The following ST6GAL1 variants were observed in gnomAD, a reference collection of about 807,000 sequenced individuals.
ST6GAL1 encodes ST6 beta-galactoside alpha-2,6-sialyltransferase 1, also known as beta-galactoside alpha-2,6-sialyltransferase 1.
A neutral mutation model predicts 38.0 loss-of-function variants in ST6GAL1; 20 were observed. That is an observed-to-expected ratio of 0.53 (90% CI 0.37 to 0.77). The LOEUF is 0.77. Ranked by LOEUF, ST6GAL1 falls within the 30% of genes least tolerant of loss-of-function variation. ST6GAL1 has a pLI of 0.00. For missense variants in ST6GAL1, 432 were observed against 496.4 expected (o/e 0.87, Z 1.23); for synonymous variants, 196 against 188.2 (o/e 1.04, Z -0.34).
intron 2 of ST6GAL1, among the ~76,000 whole-genome samples, chr3:187,026,846 C>G (rs1048512081): frequency 6.6e-6 from 1 of 152,086 alleles, no homozygotes; most frequent in Non-Finnish European, 1.5e-5. Flanking sequence ...GAGATCGAGA[C>G]CATCCTGGCT....
chr3:186,956,017 AAC>A (rs1233708361), intron 1 of ST6GAL1, among the ~76,000 whole-genome samples: 9 of 152,102 alleles, frequency 5.9e-5, no homozygotes, highest in African/African-American at 2.2e-4. Flanking sequence ...TTTTCAGAGT[AAC>A]ACAGCTTGCT....
chr3:186,949,672 C>T lies in ST6GAL1; in HGVS notation c.-324-14113C>T, dbSNP rs541285702. Among the ~76,000 whole-genome samples, 14 of 152,266 alleles carry T rather than the reference C, an allele frequency of 9.2e-5. No individual in the cohort carries two copies. The South Asian group carries it at 1.5e-3, about 16-fold the overall frequency. On this transcript the variant is annotated intron_variant, in intron 1 of 7. Transcript: ENST00000169298. ...ACTCACTGCCTTCCCTGTTAACTAC[C>T]GTTTGCAATGTCACCTTCCTCAGAA...
Position 186,985,363 on chromosome 3 carries a change from T to A in ST6GAL1, c.-183+21437T>A, listed in dbSNP as rs143472402. Among the ~76,000 whole-genome samples, 18 of 152,292 alleles carry A rather than the reference T, an allele frequency of 1.2e-4. No homozygotes were observed. In the East Asian group the frequency reaches 3.5e-3, roughly 29 times the overall value. On this transcript the variant is annotated intron_variant, in intron 2 of 7. Coordinates refer to ENST00000169298, the MANE Select transcript of ST6GAL1 (RefSeq NM_173216.2). Reference sequence around the variant, plus strand: ...AGGGTGTTGATCTTCATCTGGGTTATTCACTGTAGTATCCTATGCACTAAG... The same window carrying A: ...AGGGTGTTGATCTTCATCTGGGTTAATCACTGTAGTATCCTATGCACTAAG...
At chr3:187,047,256 T>G (rs1579356389) in intron 4 of ST6GAL1, among the ~76,000 whole-genome samples, 1 of 147,476 alleles carries the variant, frequency 6.8e-6, no homozygotes, top group Non-Finnish European at 1.5e-5. Context: ...AGTCATAGTT[T>G]TTTTTTTTTT....
At chr3:187,032,514 G>C (rs3864110) in intron 2 of ST6GAL1, among the ~76,000 whole-genome samples, 12,281 of 152,160 alleles carry the variant, frequency 0.081, 583 homozygotes, top group African/African-American at 0.13. Context: ...CTTATTAAGT[G>C]CTAGACATTC....
chr3:187,011,843 A>C (rs186915174), intron 2 of ST6GAL1, among the ~76,000 whole-genome samples: 21 of 152,350 alleles, frequency 1.4e-4, no homozygotes, highest in African/African-American at 4.6e-4. Flanking sequence ...ATCTTAGGGA[A>C]CTAATTCAAA....
chr3:187,018,842 C>T (rs983766760), intron 2 of ST6GAL1, among the ~76,000 whole-genome samples: 3 of 152,192 alleles, frequency 2.0e-5, no homozygotes, highest in East Asian at 1.9e-4. Flanking sequence ...CACAAAGTTA[C>T]GATTATTGGA....
chr3:186,985,689 T>A (rs1715892328), intron 2 of ST6GAL1, among the ~76,000 whole-genome samples: 1 of 150,722 alleles, frequency 6.6e-6, no homozygotes, highest in Non-Finnish European at 1.5e-5. Context: ...GAGGGACGAT[T>A]GCTTGAGCCT....
intron 3 of ST6GAL1, among the ~76,000 whole-genome samples, chr3:187,040,046 G>A (rs1219198475): frequency 1.3e-5 from 2 of 152,242 alleles, no homozygotes; most frequent in African/African-American, 4.8e-5. Flanking sequence ...TCCTGTGACA[G>A]TGAATCAGGC....
At chr3:187,066,650 T>C (rs927597240) in intron 5 of ST6GAL1, among the ~76,000 whole-genome samples, 1 of 151,978 alleles carries the variant, frequency 6.6e-6, no homozygotes, top group African/African-American at 2.4e-5. Flanking sequence ...TTGCATTTTC[T>C]AACTGTCCCC....
intron 2 of ST6GAL1, among the ~76,000 whole-genome samples, chr3:186,991,145 CT>C (rs1295479909): frequency 6.6e-6 from 1 of 152,132 alleles, no homozygotes; most frequent in Non-Finnish European, 1.5e-5. Flanking sequence ...TTCTTTTGGA[CT>C]TGCTGTGATT....
At chr3:187,053,855 T>A (rs6802264) in intron 5 of ST6GAL1, among the ~76,000 whole-genome samples, 1,883 of 152,308 alleles carry the variant, frequency 0.012, 40 homozygotes, top group African/African-American at 0.043. Context: ...GGTAGCTTGA[T>A]GGGGATGGCA....
rs1579319043 is a variant in ST6GAL1, at chr3:187,010,347, G to A, written c.-182-28395G>A. ...GTCTATTAATTTGGTGGGGGAAAGT[G>A]TATGTTATTATTTTAATTGAATTTC... On this transcript the variant is annotated intron_variant, in intron 2 of 7. Coordinates refer to ENST00000169298, the MANE Select transcript of ST6GAL1 (RefSeq NM_173216.2). Among the ~76,000 whole-genome samples, 3 of 152,320 alleles carry A rather than the reference G, an allele frequency of 2.0e-5. No individual in the cohort carries two copies. The South Asian group carries it at 6.2e-4, about 32-fold the overall frequency.
At chr3:186,938,936 T>TCA (rs1302657688) in intron 1 of ST6GAL1, among the ~76,000 whole-genome samples, 1 of 152,146 alleles carries the variant, frequency 6.6e-6, no homozygotes, top group Non-Finnish European at 1.5e-5. Context: ...GCCTCTGCTG[T>TCA]CGCAGTCATG....
At chr3:187,014,061 G>A (rs1469680033) in intron 2 of ST6GAL1, among the ~76,000 whole-genome samples, 1 of 152,188 alleles carries the variant, frequency 6.6e-6, no homozygotes, top group African/African-American at 2.4e-5. Context: ...TTCCTGGCAG[G>A]TACAGGTTTG....
In ST6GAL1 at chr3:186,980,166, A is replaced by G. The variant is rs150030668; in HGVS notation, c.-183+16240A>G. On this transcript the variant is annotated intron_variant, in intron 2 of 7. Transcript: ENST00000169298. ...ATTGGTCTACAATTTGCCTGATCCT[A>G]AGAATCACCTGAGACTCTTGTTAAA... is the stretch of plus-strand genomic sequence containing the variant. 2.0e-3 allele frequency among the ~76,000 whole-genome samples: 312 copies of G among 152,286 alleles called. 2 individuals carry two copies. The highest frequency in any genetic ancestry group is 7.0e-3 in the African/African-American group (291 of 41,568).
intron 2 of ST6GAL1, among the ~76,000 whole-genome samples, chr3:187,036,662 A>C (rs1811267): frequency 0.04 from 6,123 of 152,292 alleles, 346 homozygotes; most frequent in African/African-American, 0.12. Context: ...CAGAAAACCA[A>C]ATGCCATATG....
chr3:186,992,446 A>G (rs1329075569), intron 2 of ST6GAL1, among the ~76,000 whole-genome samples: 1 of 152,150 alleles, frequency 6.6e-6, no homozygotes, highest in Non-Finnish European at 1.5e-5. Context: ...GTTCTCACAC[A>G]GAAGTGTGAG....
intron 5 of ST6GAL1, among the ~76,000 whole-genome samples, chr3:187,070,505 A>G (rs550895015): frequency 5.9e-4 from 67 of 113,372 alleles, no homozygotes; most frequent in African/African-American, 2.1e-3. Context: ...GCTCACGGCA[A>G]CCTCCGCCTC....
Sources: gnomAD v4.1 joint callset for allele counts (sites outside exome capture counted in the v4.1 genomes callset) on GRCh38, gnomAD v4.1.1 for gene constraint, MANE v1.5 for transcripts, NCBI Gene and HGNC (gene_info 2026-07-23, HGNC 2026-07-21) for gene names.